EXOC6B: variants seen among roughly 807,000 people sequenced by gnomAD.
EXOC6B encodes the protein exocyst complex component 6B.
A neutral mutation model predicts 113.5 loss-of-function variants in EXOC6B; 54 were observed. The observed-to-expected ratio is 0.48, with a 90% CI of 0.38 to 0.60. EXOC6B has a LOEUF of 0.60. Ranked by LOEUF, EXOC6B falls within the 20% of genes least tolerant of loss-of-function variation. EXOC6B has a pLI of 0.00. For synonymous variants in EXOC6B, 357 were observed against 339.0 expected, an observed-to-expected ratio of 1.05 and a Z score of -0.58; for missense variants, 797 against 977.5, an observed-to-expected ratio of 0.82 and a Z score of 2.46.
intron 6 of EXOC6B, among the ~76,000 whole-genome samples, chr2:72,641,255 C>T (rs975711431): frequency 7.2e-5 from 11 of 152,320 alleles, no homozygotes; most frequent in African/African-American, 1.7e-4. Flanking sequence ...TGAAGCAGGG[C>T]GGGGCATCGC....
intron 20 of EXOC6B, among the ~76,000 whole-genome samples, chr2:72,192,249 C>A (rs1678893543): frequency 6.6e-6 from 1 of 152,154 alleles, no homozygotes; most frequent in African/African-American, 2.4e-5. Flanking sequence ...AAAGACATGG[C>A]ACATGGAATT....
chr2:72,193,098 A>C (rs1257531426), intron 20 of EXOC6B, among the ~76,000 whole-genome samples: 1 of 152,190 alleles, frequency 6.6e-6, no homozygotes, highest in Non-Finnish European at 1.5e-5. Flanking sequence ...TATTTTCATA[A>C]TCACTGATCC....
intron 20 of EXOC6B, among the ~76,000 whole-genome samples, chr2:72,222,631 G>A (rs1234054217): frequency 6.6e-6 from 1 of 151,972 alleles, no homozygotes; most frequent in African/African-American, 2.4e-5. Flanking sequence ...TGTCCTTATG[G>A]GGTACAAGTA....
chr2:72,433,751 G>A (rs1485842839), intron 18 of EXOC6B, among the ~76,000 whole-genome samples: 1 of 152,202 alleles, frequency 6.6e-6, no homozygotes, highest in Non-Finnish European at 1.5e-5. Context: ...TTTGCACATT[G>A]ATTTTGTATC....
At chr2:72,454,147 A>G (rs1411707244) in intron 18 of EXOC6B, among the ~76,000 whole-genome samples, 2 of 152,198 alleles carry the variant, frequency 1.3e-5, no homozygotes, top group Admixed American at 6.5e-5. Flanking sequence ...GAGCCAAACC[A>G]TATCAGGTAT....
At chr2:72,378,556 A>G (rs1222058763) in intron 19 of EXOC6B, among the ~76,000 whole-genome samples, 2 of 152,218 alleles carry the variant, frequency 1.3e-5, no homozygotes, top group Non-Finnish European at 2.9e-5. Context: ...ACAATTGTTT[A>G]TGGCAAAAGG....
chr2:72,612,410 G>A (rs1671204478), intron 6 of EXOC6B, among the ~76,000 whole-genome samples: 1 of 152,100 alleles, frequency 6.6e-6, no homozygotes, highest in Non-Finnish European at 1.5e-5. Flanking sequence ...GCAGATGCTG[G>A]TCTTTGCCTA....
intron 18 of EXOC6B, among the ~76,000 whole-genome samples, chr2:72,405,899 C>G (rs978466470): frequency 2.0e-5 from 3 of 152,172 alleles, no homozygotes; most frequent in African/African-American, 4.8e-5. Flanking sequence ...TTAAAAGACA[C>G]AGACTGGCAA....
chr2:72,621,600 C>T (rs1386769484), intron 6 of EXOC6B, among the ~76,000 whole-genome samples: 4 of 152,024 alleles, frequency 2.6e-5, no homozygotes, highest in Admixed American at 6.6e-5. Flanking sequence ...CAAATCTATA[C>T]GTATCCCCTG....
At chr2:72,605,181 G>C (rs1670673545) in intron 6 of EXOC6B, among the ~76,000 whole-genome samples, 1 of 151,678 alleles carries the variant, frequency 6.6e-6, no homozygotes, top group Admixed American at 6.6e-5. Flanking sequence ...TACTCGGGAG[G>C]GCTGAGGCAG....
At chr2:72,314,286 A>C (rs1177236329) in intron 20 of EXOC6B, among the ~76,000 whole-genome samples, 1 of 152,014 alleles carries the variant, frequency 6.6e-6, no homozygotes, top group Non-Finnish European at 1.5e-5. Flanking sequence ...ATTATACTCT[A>C]CTCTACTCTG....
intron 8 of EXOC6B, among the ~76,000 whole-genome samples, chr2:72,550,764 T>A (rs1703164729): frequency 6.6e-6 from 1 of 152,118 alleles, no homozygotes; most frequent in Non-Finnish European, 1.5e-5. Flanking sequence ...ATATGTAAAT[T>A]TTTAAAAATT....
chr2:72,349,864 A>G (rs903758883), intron 19 of EXOC6B, among the ~76,000 whole-genome samples: 4 of 152,198 alleles, frequency 2.6e-5, no homozygotes, highest in African/African-American at 9.6e-5. Flanking sequence ...CGAGGACACC[A>G]GAGACTTGCA....
In EXOC6B at chr2:72,575,559, C is replaced by T. The variant is rs1451205720; in HGVS notation, c.779G>A (p.Ser260Asn). 1 of 1,611,628 alleles carries T rather than the reference C, an allele frequency of 6.2e-7. No homozygotes were observed. The highest frequency in any genetic ancestry group is 8.5e-7 in the Non-Finnish European group (1 of 1,179,084). ...AYIIFDTEIE[S>N]TSPKSEQDSG... ...ATCCTGTTCAGACTTCGGACTAGTACTTTCTATCTCTGTATCAAAGATTAT... is the reference window on the plus strand; with the variant it reads ...ATCCTGTTCAGACTTCGGACTAGTATTTTCTATCTCTGTATCAAAGATTAT... Residue 260 changes from serine to asparagine, a missense_variant, in exon 7 of 22, where the codon AGT becomes AAT. Ser to Asn is a conservative substitution (Grantham distance 46, BLOSUM62 1). Transcript: ENST00000272427.
At chr2:72,413,917 G>A (rs1694357159) in intron 18 of EXOC6B, among the ~76,000 whole-genome samples, 1 of 152,034 alleles carries the variant, frequency 6.6e-6, no homozygotes, top group South Asian at 2.1e-4. Flanking sequence ...TAGCTTTTTG[G>A]CAGACCTACA....
intron 6 of EXOC6B, among the ~76,000 whole-genome samples, chr2:72,674,683 T>C (rs901587816): frequency 1.3e-5 from 2 of 151,640 alleles, no homozygotes; most frequent in African/African-American, 4.8e-5. Context: ...TACAAAAAAT[T>C]AGCCGGGCGT....
At chr2:72,645,863 A>G (rs1360985492) in intron 6 of EXOC6B, among the ~76,000 whole-genome samples, 1 of 152,210 alleles carries the variant, frequency 6.6e-6, no homozygotes, top group Non-Finnish European at 1.5e-5. Context: ...TCAACACCCT[A>G]ACATCACAAT....
intron 20 of EXOC6B, among the ~76,000 whole-genome samples, chr2:72,328,990 T>C (rs907441611): frequency 2.6e-5 from 4 of 152,250 alleles, no homozygotes; most frequent in Non-Finnish European, 4.4e-5. Context: ...GGCCATTATT[T>C]GACATCACAT....
intron 20 of EXOC6B, among the ~76,000 whole-genome samples, chr2:72,275,133 G>A (rs187171756): frequency 1.5e-4 from 23 of 152,162 alleles, no homozygotes; most frequent in Admixed American, 3.9e-4. Context: ...CAATTTCGTC[G>A]ATTATGTGAG....
Sources: allele counts gnomAD v4.1 joint callset (sites outside exome capture counted in the v4.1 genomes callset), GRCh38; gene constraint gnomAD v4.1.1; transcripts MANE v1.5; gene names NCBI Gene and HGNC (gene_info 2026-07-23, HGNC 2026-07-21).